Variants in CD27 observed in about 807,000 individuals in gnomAD.
The protein encoded by CD27 is CD27 antigen.
A neutral mutation model predicts 25.9 loss-of-function variants in CD27; 16 were observed. The observed-to-expected ratio is 0.62, with a 90% CI of 0.42 to 0.94. The LOEUF (loss-of-function observed/expected upper bound fraction) is 0.94, where lower values mean the gene tolerates loss of function less well. Among genes scored for constraint, CD27 ranks in the 40% least tolerant of loss-of-function variants. The probability of loss-of-function intolerance (pLI) is 0.00; values close to 1 mark genes in which losing one functional copy is unlikely to be tolerated. For synonymous variants in CD27, 142 were observed against 124.3 expected (o/e 1.14, Z -0.95); for missense variants, 300 against 333.2 (o/e 0.90, Z 0.78).
In CD27 at chr12:6,450,462, C is replaced by T; in HGVS notation, c.449-79C>T. On this transcript the variant is annotated intron_variant, in intron 3 of 5. Coordinates refer to ENST00000266557, the MANE Select transcript of CD27 (RefSeq NM_001242.5). This position sits in a 1 kb window ranked among gnomAD's most constrained non-coding sequence, Gnocchi z 4.1. ...GGTCAGCCTGTTTCTGCCTTCCCAT[C>T]CCATCCAGCACCTCTCAGGCCTTCA... is the stretch of plus-strand genomic sequence containing the variant. 3 of 1,538,608 alleles carry T rather than the reference C, an allele frequency of 1.9e-6. No individual in the cohort carries two copies. Among genetic ancestry groups the T allele is most frequent in the Non-Finnish European group, 2.7e-6 (3 of 1,119,776 alleles).
chr12:6,450,504 TC>T lies in CD27; in HGVS notation c.449-33del. The T allele has an allele frequency of 6.3e-7, 1 of 1,597,910 alleles. No individual in the cohort carries two copies. The highest frequency in any genetic ancestry group is 2.2e-5 in the East Asian group (1 of 44,812). On this transcript the variant is annotated intron_variant, in intron 3 of 5. Coordinates refer to ENST00000266557, the MANE Select transcript of CD27 (RefSeq NM_001242.5). This position sits in a 1 kb window ranked among gnomAD's most constrained non-coding sequence, Gnocchi z 4.1. ...AGGCCTTCAGATGTGCCCTATGGGG[TC>T]CCCTGCTGCTACTCATTCTGTCTCT...
Position 6,450,491 on chromosome 12 carries a change from G to A in CD27, c.449-50G>A, listed in dbSNP as rs951376275. On this transcript the variant is annotated intron_variant, in intron 3 of 5. Transcript: ENST00000266557. This position sits in a 1 kb window ranked among gnomAD's most constrained non-coding sequence, Gnocchi z 4.1. ...TCCAGCACCTCTCAGGCCTTCAGAT[G>A]TGCCCTATGGGGTCCCCTGCTGCTA... 16 of 1,580,362 alleles carry A rather than the reference G, an allele frequency of 1.0e-5. No homozygotes were observed. Among genetic ancestry groups the A allele is most frequent in the Non-Finnish European group, 1.2e-5 (14 of 1,152,572 alleles).
chr12:6,449,838 G>A (rs971282507), intron 2 of CD27, among the ~76,000 whole-genome samples: 3 of 152,160 alleles, frequency 2.0e-5, no homozygotes, highest in Non-Finnish European at 2.9e-5. Context: ...CAACAAGAGC[G>A]AGACTCCATC....
intron 2 of CD27, among the ~76,000 whole-genome samples, chr12:6,448,466 A>G (rs1949453994): frequency 6.6e-6 from 1 of 152,082 alleles, no homozygotes; most frequent in Non-Finnish European, 1.5e-5. Flanking sequence ...GGACCTCTAC[A>G]CTTGAGCAAA....
rs181928307 is a variant in CD27, at chr12:6,449,337, G to A, written c.269-836G>A. 2.1e-3 allele frequency among the ~76,000 whole-genome samples: 230 copies of A among 107,924 alleles called. 2 individuals are homozygous for A. Among genetic ancestry groups the A allele is most frequent in the African/African-American group, 8.4e-3 (219 of 26,166 alleles). 70.8% of individuals were successfully genotyped at this position (107,924 alleles called of 152,430 possible). A position where few individuals can be genotyped will look rare whatever the true frequency, so the allele number is the denominator to read the frequency against. The stretch of plus-strand genomic sequence containing the variant: ...TTTCTTTTTTTTTTTTTTTTGAGAC[G>A]GAGTTTCACTCTGTTGCCCAGGCTG... On this transcript the variant is annotated intron_variant, in intron 2 of 5. Transcript: ENST00000266557.
At chr12:6,444,892 G>A, upstream of CD27, 1 of 555,506 alleles carries the variant, frequency 1.8e-6, no homozygotes. Flanking sequence ...ACACGGAAGG[G>A]GAAGGGGGTG....
Position 6,451,382 on chromosome 12 carries a change from G to C in CD27, c.773G>C (p.Cys258Ser), listed in dbSNP as rs1949544346. 1 of 1,613,048 alleles carries C rather than the reference G, an allele frequency of 6.2e-7. No homozygotes were observed. The highest frequency in any genetic ancestry group is 8.5e-7 in the Non-Finnish European group (1 of 1,179,874). Residue 258 changes from cysteine to serine, a missense_variant, in exon 6 of 6, where the codon TGC becomes TCC. By Grantham distance (112) the Cys-to-Ser change is moderately radical. Transcript: ENST00000266557. ...QEDYRKPEPA[C>S]SP ...GATTACCGAAAACCGGAGCCTGCCT[G>C]CTCCCCCTGAGCCAGCACCTGCGGG... is the stretch of plus-strand genomic sequence containing the variant.
chr12:6,449,212 G>A (rs917132539), intron 2 of CD27, among the ~76,000 whole-genome samples: 1 of 151,874 alleles, frequency 6.6e-6, no homozygotes, highest in South Asian at 2.1e-4. Flanking sequence ...GGCCAGGCTG[G>A]TCTCAAACTC....
At position 6,451,364 on chromosome 12, in the gene CD27, G is replaced by A; in HGVS notation, c.755G>A (p.Arg252Gln). Residue 252 changes from arginine to glutamine, a missense_variant, in exon 6 of 6, where the codon CGA (arginine) becomes CAA (glutamine). Arg to Gln is a conservative substitution (Grantham distance 43). Transcript: ENST00000266557. ...ACCATCCCCATCCAGGAGGATTACC[G>A]AAAACCGGAGCCTGCCTGCTCCCCC... is the stretch of plus-strand genomic sequence containing the variant. ...GSTIPIQEDYRKPEPACSP is the reference protein window; with the variant it reads ...GSTIPIQEDYQKPEPACSP 3 of 1,613,662 alleles carry A rather than the reference G, an allele frequency of 1.9e-6. No individual in the cohort carries two copies. Among genetic ancestry groups the A allele is most frequent in the Non-Finnish European group, 8.5e-7 (1 of 1,179,926 alleles).
chr12:6,450,323 C>A lies in CD27; in HGVS notation c.419C>A (p.Pro140His), dbSNP rs1292531205. 6.2e-7 allele frequency: 1 copy of A among 1,613,050 alleles called. No individual in the cohort carries two copies. Among genetic ancestry groups the A allele is most frequent in the South Asian group, 1.1e-5 (1 of 91,088 alleles). Residue 140 changes from proline (P) to histidine (H), a missense_variant, in exon 3 of 6, where the codon CCT becomes CAT. Pro to His is a moderately conservative substitution (Grantham distance 77). Coordinates refer to ENST00000266557, the MANE Select transcript of CD27 (RefSeq NM_001242.5). The surrounding 1 kb of genome is among the most constrained non-coding windows in gnomAD (Gnocchi z 4.1). ...ARSSQALSPH[P>H]QPTHLPYVSE... ...TCGTCTCAGGCCCTGAGCCCACACC[C>A]TCAGCCCACCCACTTACCTTATGTC...
intron 5 of CD27, 104 bp downstream of exon 5, chr12:6,451,118 C>G (rs1317630851): frequency 6.4e-7 from 1 of 1,562,916 alleles, no homozygotes; most frequent in Non-Finnish European, 8.8e-7. Flanking sequence ...ACCAGCTCCA[C>G]TTCACCAGCC....
At position 6,444,964 on chromosome 12, in the gene CD27, T is replaced by C. The variant is rs1592117187; in HGVS notation, c.-132T>C. On this transcript the variant is annotated 5_prime_UTR_variant, in exon 1 of 6. Transcript: ENST00000266557. ...ACAATAGAGATTCTGCCTTCAAAGG[T>C]TGGCTTGCCACCTGAAGCAGCCACT... 2 of 969,888 alleles carry C rather than the reference T, an allele frequency of 2.1e-6. No individual in the cohort carries two copies. The highest frequency in any genetic ancestry group is 2.9e-6 in the Non-Finnish European group (2 of 685,128). 60.1% of individuals were successfully genotyped at this position (969,888 alleles called of 1,614,324 possible). A position where few individuals can be genotyped will look rare whatever the true frequency, so the allele number is the denominator to read the frequency against.
At position 6,450,680 on chromosome 12, in the gene CD27, G is replaced by A. The variant is rs758875176; in HGVS notation, c.538+50G>A. 2.9e-5 allele frequency: 45 copies of A among 1,541,674 alleles called. No individual in the cohort carries two copies. In the Middle Eastern group the frequency reaches 4.9e-3, roughly 168 times the overall value. The stretch of plus-strand genomic sequence containing the variant: ...CGCTAGAGAGAATGCATACACGAGG[G>A]GCCAGGAGGGAAGCCAGACAGAAAG... On this transcript the variant is annotated intron_variant, in intron 4 of 5. Transcript: ENST00000266557. The surrounding 1 kb of genome is among the most constrained non-coding windows in gnomAD (Gnocchi z 4.1).
chr12:6,448,556 G>T (rs912096469), intron 2 of CD27: 1 of 152,204 alleles, frequency 6.6e-6, no homozygotes, highest in Non-Finnish European at 1.5e-5. Context: ...ACGAGGTCAG[G>T]AGATTGAGAC....
At position 6,450,495 on chromosome 12, in the gene CD27, C is replaced by G. The variant is rs1949512123; in HGVS notation, c.449-46C>G. On this transcript the variant is annotated intron_variant, in intron 3 of 5. Coordinates refer to ENST00000266557, the MANE Select transcript of CD27 (RefSeq NM_001242.5). This position sits in a 1 kb window ranked among gnomAD's most constrained non-coding sequence, Gnocchi z 4.1. The stretch of plus-strand genomic sequence containing the variant: ...GCACCTCTCAGGCCTTCAGATGTGC[C>G]CTATGGGGTCCCCTGCTGCTACTCA... The G allele has an allele frequency of 6.3e-7, 1 of 1,583,992 alleles. No homozygotes were observed. The highest frequency in any genetic ancestry group is 2.2e-5 in the East Asian group (1 of 44,748).
chr12:6,449,855 A>C (rs1949488151), intron 2 of CD27, among the ~76,000 whole-genome samples: 2 of 152,174 alleles, frequency 1.3e-5, no homozygotes, highest in Admixed American at 6.5e-5. Flanking sequence ...CATCTCAAAA[A>C]AATAAATAAA....
chr12:6,451,090 G>A (rs2136970654), intron 5 of CD27, 76 bp downstream of exon 5: 1 of 1,599,682 alleles, frequency 6.3e-7, no homozygotes, highest in Admixed American at 1.7e-5. Flanking sequence ...GCCCACGCCT[G>A]GAATCTCACT....
Position 6,445,286 on chromosome 12 carries a change from G to T in CD27, c.136+55G>T. On this transcript the variant is annotated intron_variant, in intron 1 of 5. Coordinates refer to ENST00000266557, the MANE Select transcript of CD27 (RefSeq NM_001242.5). The surrounding 1 kb of genome is among the most constrained non-coding windows in gnomAD (Gnocchi z 4.5). ...GAGTGGCGAAAGAGAGAGGACTGGG[G>T]TTAATACAGTAAATAGGCGCAGGGT... The T allele has an allele frequency of 6.2e-7, 1 of 1,611,240 alleles. No individual in the cohort carries two copies. Among genetic ancestry groups the T allele is most frequent in the East Asian group, 2.2e-5 (1 of 44,872 alleles).
intron 2 of CD27, chr12:6,447,319 T>A (rs1038328457): frequency 6.6e-6 from 1 of 152,186 alleles, no homozygotes; most frequent in African/African-American, 2.4e-5. Context: ...ACTGAGCCCA[T>A]CTTCAGTCCC....
Sources: gnomAD v4.1 joint callset for allele counts (sites outside exome capture counted in the v4.1 genomes callset) on GRCh38, gnomAD v4.1.1 for gene constraint, Gnocchi (gnomAD v3.1) non-coding constraint, MANE v1.5 for transcripts, NCBI Gene and HGNC (gene_info 2026-07-23, HGNC 2026-07-21) for gene names.